NTAQ1: variants seen among roughly 807,000 people sequenced by gnomAD.
NTAQ1 encodes protein N-terminal glutamine amidohydrolase.
In NTAQ1, 21 loss-of-function variants were observed where a neutral mutation model predicts 28.2. The ratio of observed to expected loss-of-function variants is 0.74; its 90% CI spans 0.53 to 1.07. NTAQ1 has a LOEUF of 1.07. NTAQ1 is among the 50% of genes least tolerant of loss of function. The pLI is 0.00. For missense variants in NTAQ1, 264 were observed against 256.6 expected, an observed-to-expected ratio of 1.03 and a Z score of -0.20; for synonymous variants, 105 against 90.0, an observed-to-expected ratio of 1.17 and a Z score of -0.94.
downstream of NTAQ1, among the ~76,000 whole-genome samples, chr8:123,445,041 TG>T (rs1378978744): frequency 6.6e-6 from 1 of 152,202 alleles, no homozygotes; most frequent in African/African-American, 2.4e-5. Flanking sequence ...GTGTTTTTCT[TG>T]GTTTAATTTT....
downstream of NTAQ1, among the ~76,000 whole-genome samples, chr8:123,452,052 T>G (rs1418618528): frequency 6.6e-6 from 1 of 152,246 alleles, no homozygotes; most frequent in Non-Finnish European, 1.5e-5. Flanking sequence ...TTTATTTAAT[T>G]AGTTCTCTCA....
At chr8:123,449,440 G>A (rs148113081), downstream of NTAQ1, among the ~76,000 whole-genome samples, 64 of 152,284 alleles carry the variant, frequency 4.2e-4, no homozygotes, top group African/African-American at 1.5e-3. Flanking sequence ...GGAGGGCTGC[G>A]TGTGGTGGCT....
chr8:123,431,771 A>G (rs1276813025), intron 3 of NTAQ1, among the ~76,000 whole-genome samples: 2 of 152,144 alleles, frequency 1.3e-5, no homozygotes, highest in Non-Finnish European at 2.9e-5. Flanking sequence ...TGGGGTCGTG[A>G]GGCTTAAATG....
At chr8:123,456,884 C>T (rs1360293822) in intron 6 of NTAQ1, among the ~76,000 whole-genome samples, 1 of 152,152 alleles carries the variant, frequency 6.6e-6, no homozygotes, top group Non-Finnish European at 1.5e-5. Context: ...AGGAATTTAT[C>T]TTACAGATAT....
chr8:123,466,156 A>G (rs1815956267), intron 6 of NTAQ1, among the ~76,000 whole-genome samples: 1 of 152,150 alleles, frequency 6.6e-6, no homozygotes, highest in Admixed American at 6.5e-5. Flanking sequence ...TTACAACTGG[A>G]GAGGTTCCCA....
downstream of NTAQ1, among the ~76,000 whole-genome samples, chr8:123,444,139 A>G (rs1815182426): frequency 6.6e-6 from 1 of 151,754 alleles, no homozygotes; most frequent in Non-Finnish European, 1.5e-5. Context: ...GTGTGAGAAG[A>G]TTTTCTGTAT....
intron 3 of NTAQ1, 113 bp downstream of exon 3, chr8:123,430,146 T>G (rs1814310500): frequency 1.5e-6 from 1 of 651,276 alleles, no homozygotes; most frequent in East Asian, 2.9e-5. Flanking sequence ...GCTATGGTAA[T>G]TATTAATAAA....
downstream of NTAQ1, among the ~76,000 whole-genome samples, chr8:123,449,083 C>T (rs1397925205): frequency 6.6e-6 from 1 of 152,186 alleles, no homozygotes; most frequent in Non-Finnish European, 1.5e-5. Flanking sequence ...AAAGAAAGAA[C>T]TGTGTCACTG....
chr8:123,447,189 A>C (rs1456491157), downstream of NTAQ1, among the ~76,000 whole-genome samples: 1 of 152,064 alleles, frequency 6.6e-6, no homozygotes, highest in African/African-American at 2.4e-5. Context: ...GCTAGGCTTG[A>C]GTTGCTTACT....
intron 3 of NTAQ1, among the ~76,000 whole-genome samples, chr8:123,430,315 G>A (rs1814319689): frequency 6.6e-6 from 1 of 152,146 alleles, no homozygotes; most frequent in Non-Finnish European, 1.5e-5. Context: ...AGGAACTTTG[G>A]CTACACATTA....
intron 6 of NTAQ1, among the ~76,000 whole-genome samples, chr8:123,460,292 T>A (rs1197991824): frequency 6.6e-6 from 1 of 152,234 alleles, no homozygotes; most frequent in African/African-American, 2.4e-5. Context: ...GAAGTAGGAA[T>A]GATTATTATC....
intron 1 of NTAQ1, among the ~76,000 whole-genome samples, chr8:123,421,478 A>C (rs1245537327): frequency 6.7e-6 from 1 of 148,666 alleles, no homozygotes; most frequent in Non-Finnish European, 1.5e-5. Context: ...GCATTTCTTC[A>C]TATGCTTATT....
downstream of NTAQ1, among the ~76,000 whole-genome samples, chr8:123,472,785 A>G (rs1186115074): frequency 1.3e-5 from 2 of 152,210 alleles, no homozygotes; most frequent in Non-Finnish European, 2.9e-5. Context: ...CCCCTATACT[A>G]AAACTCTTTT....
rs749053680 is a variant in NTAQ1, at chr8:123,441,390, A to G, written c.593A>G (p.His198Arg). The G allele has an allele frequency of 1.9e-5, 30 of 1,609,888 alleles. No individual in the cohort carries two copies. The highest frequency in any genetic ancestry group is 8.9e-5 in the South Asian group (8 of 90,306). Residue 198 changes from histidine to arginine, a missense_variant, in exon 6 of 6, where the codon CAT becomes CGT. Coordinates refer to ENST00000287387, the MANE Select transcript of NTAQ1 (RefSeq NM_018024.3). ...GAVYTLSEFTHRFGSKNC is the reference protein window; with the variant it reads ...GAVYTLSEFTRRFGSKNC ...GTCTACACACTATCCGAATTTACACATCGGTTTGGCAGTAAAAACTGCTGA... is the reference window on the plus strand; with the variant it reads ...GTCTACACACTATCCGAATTTACACGTCGGTTTGGCAGTAAAAACTGCTGA...
chr8:123,422,010 T>G (rs1437272672), intron 1 of NTAQ1, among the ~76,000 whole-genome samples: 1 of 152,100 alleles, frequency 6.6e-6, no homozygotes, highest in Non-Finnish European at 1.5e-5. Flanking sequence ...GAGACAATGT[T>G]TCACCATGTT....
rs1296645082 is a variant in NTAQ1 at position 123,436,570 on chromosome 8, T to C, written c.352T>C (p.Ser118Pro). 6.2e-7 allele frequency: 1 copy of C among 1,614,000 alleles called. No homozygotes were observed. The highest frequency in any genetic ancestry group is 1.7e-5 in the Admixed American group (1 of 59,990). The change falls in exon 4 of 6, where the codon TCT (serine) becomes CCT (proline). Residue 118 changes from serine to proline, a missense_variant. Transcript: ENST00000287387. Reference sequence around the variant, plus strand: ...CACTTATGTAGAAGATGCCTTTAAGTCTGATGATGACATTCACCCACAGTT... The same window carrying C: ...CACTTATGTAGAAGATGCCTTTAAGCCTGATGATGACATTCACCCACAGTT... ...FDTYVEDAFK[S>P]DDDIHPQFRR...
chr8:123,445,755 AC>A (rs1285972470), downstream of NTAQ1, among the ~76,000 whole-genome samples: 1 of 148,386 alleles, frequency 6.7e-6, no homozygotes, highest in Non-Finnish European at 1.5e-5. Context: ...ACAGGCGTGC[AC>A]CACCACACTT....
At chr8:123,461,457 A>G (rs1033435694) in intron 6 of NTAQ1, among the ~76,000 whole-genome samples, 32 of 152,192 alleles carry the variant, frequency 2.1e-4, no homozygotes, top group African/African-American at 7.5e-4. Context: ...AGATGATAAT[A>G]TCTACACCCC....
intron 3 of NTAQ1, 141 bp from the exon 4 acceptor site, chr8:123,436,312 G>T: frequency 1.6e-6 from 1 of 637,712 alleles, no homozygotes; most frequent in Non-Finnish European, 2.5e-6. Flanking sequence ...TCAGGGTGTT[G>T]TGTTTGCTTT....
Sources: gnomAD v4.1 joint callset for allele counts (sites outside exome capture counted in the v4.1 genomes callset) on GRCh38, gnomAD v4.1.1 for gene constraint, MANE v1.5 for transcripts, NCBI Gene and HGNC (gene_info 2026-07-23, HGNC 2026-07-21) for gene names.